CITED1: variants seen among roughly 807,000 people sequenced by gnomAD.
CITED1 encodes Cbp/p300 interacting transactivator with ED-rich tail 1.
Under a neutral mutation model 8.5 loss-of-function variants are expected in CITED1, and 3 were observed. That is an observed-to-expected ratio of 0.35 (90% CI 0.16 to 0.91). The LOEUF is 0.91. Among genes scored for constraint, CITED1 ranks in the 40% least tolerant of loss-of-function variants. The pLI is 0.46. For missense variants in CITED1, 113 were observed against 154.8 expected (o/e 0.73, Z 1.43); for synonymous variants, 54 against 67.4 (o/e 0.80, Z 0.97).
Position 72,301,719 on chromosome X carries a change from G to C in CITED1, c.*4C>G, listed in dbSNP as rs2043287988. The C allele has an allele frequency of 8.3e-7, 1 of 1,209,064 alleles. No homozygotes were observed. Among genetic ancestry groups the C allele is most frequent in the East Asian group, 3.0e-5 (1 of 33,792 alleles). On this transcript the variant is annotated 3_prime_UTR_variant, in exon 3 of 3. Transcript: ENST00000651998. ...TATTCCTCCATCTTTAGGGACACTT[G>C]GCATTAGCAGCTAGATGGAAAGTCC...
chrX:72,302,858 C>A lies in CITED1; in HGVS notation c.12G>T (p.Thr4=). The A allele has an allele frequency of 8.3e-7, 1 of 1,211,183 alleles. No individual in the cohort carries two copies. Among genetic ancestry groups the A allele is most frequent in the Non-Finnish European group, 1.1e-6 (1 of 894,801 alleles). ...CCTTGACATCAAGTGCAGGCCTCGA[C>A]GTTGTTGGCATTTCAGAGCCTTGGC... MPT[T]SRPALDVKGG... Residue 4 remains threonine, a synonymous_variant, in exon 2 of 3, where the codon ACG becomes ACT. Transcript: ENST00000651998.
intron 1 of CITED1, 133 bp from the exon 2 acceptor site, chrX:72,303,067 AGATCACCC>A: frequency 1.2e-6 from 1 of 833,302 alleles, no homozygotes; most frequent in African/African-American, 2.0e-5. Context: ...TCAAGACCAG[AGATCACCC>A]GAGCACAGGG....
rs1280785896 is a variant in CITED1 at position 72,301,825 on chromosome X, C to T, written c.480G>A (p.Ser160=). ...GGTCCAACCCCAGTTCCACCACCAGCGACATCAGCACTTCCTCATCCACTG... is the reference window on the plus strand; with the variant it reads ...GGTCCAACCCCAGTTCCACCACCAGTGACATCAGCACTTCCTCATCCACTG... ...SDPVDEEVLM[S]LVVELGLDRA... is the part of the protein sequence containing the mutation. The change falls in exon 3 of 3, where the codon TCG becomes TCA. Residue 160 remains serine (S), a synonymous_variant. Transcript: ENST00000651998. The T allele has an allele frequency of 5.8e-6, 7 of 1,211,795 alleles. No individual in the cohort carries two copies. The highest frequency in any genetic ancestry group is 2.3e-4 in the Middle Eastern group (1 of 4,355).
In CITED1 at chrX:72,302,909, T is replaced by G; in HGVS notation, c.-40A>C. 4 of 1,210,753 alleles carry G rather than the reference T, an allele frequency of 3.3e-6. No individual in the cohort carries two copies. Among genetic ancestry groups the G allele is most frequent in the Non-Finnish European group, 4.5e-6 (4 of 894,994 alleles). ...AGAAGTTGGATAAATTGGCGGGAAGTGATGCTGCCAGCTGGAGCTGTTGTG... is the reference window on the plus strand; with the variant it reads ...AGAAGTTGGATAAATTGGCGGGAAGGGATGCTGCCAGCTGGAGCTGTTGTG... On this transcript the variant is annotated 5_prime_UTR_variant, in exon 2 of 3. Coordinates refer to ENST00000651998, the MANE Select transcript of CITED1 (RefSeq NM_001144887.2).
intron 1 of CITED1, among the ~76,000 whole-genome samples, chrX:72,303,720 C>T (rs2043310232): frequency 9.0e-6 from 1 of 111,690 alleles, no homozygotes; most frequent in Non-Finnish European, 1.9e-5. Flanking sequence ...ATCTAGCACC[C>T]CTATGGCCAC....
intron 1 of CITED1, chrX:72,305,286 T>C: frequency 8.6e-7 from 1 of 1,165,112 alleles, no homozygotes; most frequent in Non-Finnish European, 1.1e-6. Flanking sequence ...GGACCAAAAG[T>C]TAAAATGGCA....
At position 72,302,854 on chromosome X, in the gene CITED1, T is replaced by C. The variant is rs747680849; in HGVS notation, c.16A>G (p.Arg6Gly). Residue 6 changes from arginine (R) to glycine (G), a missense_variant, in exon 2 of 3, where the codon AGG (arginine) becomes GGG (glycine). By Grantham distance (125) the Arg-to-Gly change is moderately radical. Coordinates refer to ENST00000651998, the MANE Select transcript of CITED1 (RefSeq NM_001144887.2). ...CCACCCTTGACATCAAGTGCAGGCC[T>C]CGACGTTGTTGGCATTTCAGAGCCT... MPTTS[R>G]PALDVKGGTS... The C allele has an allele frequency of 4.1e-6, 5 of 1,211,360 alleles. No homozygotes were observed. The highest frequency in any genetic ancestry group is 5.6e-6 in the Non-Finnish European group (5 of 894,990).
intron 1 of CITED1, among the ~76,000 whole-genome samples, chrX:72,305,107 G>A (rs1329983708): frequency 8.9e-6 from 1 of 112,610 alleles, no homozygotes; most frequent in Non-Finnish European, 1.9e-5. Flanking sequence ...CCTTCTCGCC[G>A]GCTGATGCCT....
At chrX:72,305,422 A>C (rs1476642223) in intron 1 of CITED1, 7 of 650,332 alleles carry the variant, frequency 1.1e-5, no homozygotes, top group Non-Finnish European at 1.4e-5. Flanking sequence ...CCACCTGAAA[A>C]CTAAAGGCCC....
chrX:72,304,211 G>T (rs896995423), intron 1 of CITED1: 1 of 198,904 alleles, frequency 5.0e-6, no homozygotes, highest in Non-Finnish European at 7.5e-6. Flanking sequence ...TCTCCACTCC[G>T]CAGCGGTCAT....
chrX:72,306,845 G>GACGCAC, upstream of CITED1: 1 of 109,472 alleles, frequency 9.1e-6, no homozygotes, highest in Non-Finnish European at 1.9e-5. Flanking sequence ...GGAGAGCCCT[G>GACGCAC]ACGCACACGC....
At position 72,302,838 on chromosome X, in the gene CITED1, A is replaced by C. The variant is rs768730756; in HGVS notation, c.32T>G (p.Val11Gly). Residue 11 changes from valine to glycine, a missense_variant, in exon 2 of 3, where the codon GTC becomes GGC. Physicochemically the swap from Val to Gly is moderately radical, Grantham distance 109. Coordinates refer to ENST00000651998, the MANE Select transcript of CITED1 (RefSeq NM_001144887.2). Reference sequence around the variant, plus strand: ...CTTCGCAGGTGAGGTGCCACCCTTGACATCAAGTGCAGGCCTCGACGTTGT... The same window carrying C: ...CTTCGCAGGTGAGGTGCCACCCTTGCCATCAAGTGCAGGCCTCGACGTTGT... MPTTSRPALD[V>G]KGGTSPAKED... is the part of the protein sequence containing the mutation. 3 of 1,209,676 alleles carry C rather than the reference A, an allele frequency of 2.5e-6. No homozygotes were observed.
At chrX:72,306,913 CCTTTTTTTTT>C (rs1373161070), upstream of CITED1, 1 of 110,613 alleles carries the variant, frequency 9.0e-6, no homozygotes, top group Non-Finnish European at 1.9e-5. Context: ...CCTTTTTTTC[CCTTTTTTTTT>C]CTCCCCTCAA....
rs774180523 is a variant in CITED1, at chrX:72,301,959, C to T, written c.346G>A (p.Gly116Arg). 2.0e-5 allele frequency: 24 copies of T among 1,210,630 alleles called. No individual in the cohort carries two copies. Among genetic ancestry groups the T allele is most frequent in the Admixed American group, 8.7e-5 (4 of 45,934 alleles). The change falls in exon 3 of 3, where the codon GGG (glycine) becomes AGG (arginine). Residue 116 changes from glycine (G) to arginine (R), a missense_variant. By Grantham distance (125) the Gly-to-Arg change is moderately radical. Transcript: ENST00000651998. ...CAGTTTTGCAGGGGTCCTGCCTCCC[C>T]GGGTTGGCCTGGAGTGGCAGCAGCC... ...GMAAATPGQP[G>R]EAGPLQNWDF...
At chrX:72,302,724 A>C (rs1236210162) in intron 2 of CITED1, 86 bp downstream of exon 2, 11 of 808,735 alleles carry the variant, frequency 1.4e-5, no homozygotes, top group Non-Finnish European at 2.0e-5. Flanking sequence ...GCTCAAGGAC[A>C]CTGGGTAATG....
At chrX:72,303,037 G>A in intron 1 of CITED1, 103 bp from the exon 2 acceptor site, 1 of 981,566 alleles carries the variant, frequency 1.0e-6, no homozygotes, top group Non-Finnish European at 1.4e-6. Context: ...TATGAGGCAA[G>A]GATGGTGACT....
rs138355351 is a variant in CITED1, at chrX:72,302,200, C to T, written c.105G>A (p.Ala35=). The T allele has an allele frequency of 1.0e-5, 12 of 1,205,457 alleles. No homozygotes were observed. Among genetic ancestry groups the T allele is most frequent in the African/African-American group, 5.2e-5 (3 of 57,270 alleles). The change falls in exon 3 of 3, where the codon GCG becomes GCA. Residue 35 remains alanine (A), a synonymous_variant. Coordinates refer to ENST00000651998, the MANE Select transcript of CITED1 (RefSeq NM_001144887.2). ...EMSSVAYSNL[A]VKDRKAVAIL... The stretch of plus-strand genomic sequence containing the variant: ...TGGCCACTGCTTTGCGATCTTTCAC[C>T]GCAAGGTTGGAGTAGGCCACGGAGC...
At chrX:72,305,675 T>C in intron 1 of CITED1, 150 bp downstream of exon 1, 1 of 191,853 alleles carries the variant, frequency 5.2e-6, no homozygotes, top group Non-Finnish European at 9.6e-6. Context: ...CTGCTGCCAC[T>C]CTCGCGCCTG....
Position 72,301,729 on chromosome X carries a change from G to A in CITED1, c.576C>T (p.Ser192=). The A allele has an allele frequency of 1.7e-6, 2 of 1,210,224 alleles. No individual in the cohort carries two copies. The highest frequency in any genetic ancestry group is 2.3e-4 in the Middle Eastern group (1 of 4,351). Residue 192 remains serine, a synonymous_variant, in exon 3 of 3, where the codon AGC becomes AGT. Coordinates refer to ENST00000651998, the MANE Select transcript of CITED1 (RefSeq NM_001144887.2). The stretch of plus-strand genomic sequence containing the variant: ...TCTTTAGGGACACTTGGCATTAGCA[G>A]CTAGATGGAAAGTCCGCAGTGAAGT... ...EFDFTADFPS[S]C is the part of the protein sequence containing the mutation.
Sources: allele counts gnomAD v4.1 joint callset (sites outside exome capture counted in the v4.1 genomes callset), GRCh38; gene constraint gnomAD v4.1.1; transcripts MANE v1.5; gene names NCBI Gene and HGNC (gene_info 2026-07-23, HGNC 2026-07-21).